ZNF609: variants seen among roughly 807,000 people sequenced by gnomAD.
The protein encoded by ZNF609 is zinc finger protein 609.
Under a neutral mutation model 109.5 loss-of-function variants are expected in ZNF609, and 11 were observed. The ratio of observed to expected loss-of-function variants is 0.10; its 90% CI spans 0.06 to 0.17. The LOEUF is 0.17. Among genes scored for constraint, ZNF609 ranks in the 10% least tolerant of loss-of-function variants. ZNF609 has a pLI of 1.00. For synonymous variants in ZNF609, 646 were observed against 662.0 expected, an observed-to-expected ratio of 0.98 and a Z score of 0.37; for missense variants, 1,559 against 1,772.4, an observed-to-expected ratio of 0.88 and a Z score of 2.16.
intron 2 of ZNF609, among the ~76,000 whole-genome samples, chr15:64,564,166 T>TG (rs1894736810): frequency 6.6e-6 from 1 of 151,416 alleles, no homozygotes; most frequent in Admixed American, 6.6e-5. Context: ...TTGTATGCGC[T>TG]GGCTGCTACA....
chr15:64,548,490 G>A (rs188176810), intron 2 of ZNF609, among the ~76,000 whole-genome samples: 516 of 152,306 alleles, frequency 3.4e-3, no homozygotes, highest in African/African-American at 0.012. Context: ...GCTGGGCTAG[G>A]TGGCTCATGT....
At chr15:64,577,564 A>T (rs1487394464) in intron 2 of ZNF609, among the ~76,000 whole-genome samples, 1 of 13,336 alleles carries the variant, frequency 7.5e-5, no homozygotes, top group South Asian at 6.5e-4. Context: ...TACACATATA[A>T]ATATATACAT....
Position 64,500,002 on chromosome 15 carries a change from G to T in ZNF609, c.583G>T (p.Gly195Cys). 11 of 1,614,160 alleles carry T rather than the reference G, an allele frequency of 6.8e-6. No individual in the cohort carries two copies. The highest frequency in any genetic ancestry group is 9.3e-6 in the Non-Finnish European group (11 of 1,180,032). ...CCAGCCAGTTCCCTTGGGAGGACGG[G>T]GTGGTCAGTATGATGGAAGTGCAGG... is the stretch of plus-strand genomic sequence containing the variant. ...VLQPVPLGGRGGQYDGSAGVD... is the reference protein window; with the variant it reads ...VLQPVPLGGRCGQYDGSAGVD... Residue 195 changes from glycine to cysteine, a missense_variant, in exon 2 of 10, where the codon GGT becomes TGT. Coordinates refer to ENST00000326648, the MANE Select transcript of ZNF609 (RefSeq NM_015042.2).
intron 7 of ZNF609, 134 bp from the exon 8 acceptor site, chr15:64,680,512 G>C: frequency 7.8e-7 from 1 of 1,281,544 alleles, no homozygotes; most frequent in Non-Finnish European, 1.1e-6. Context: ...TTTATTCTTA[G>C]GTATCTTGCA....
intron 3 of ZNF609, among the ~76,000 whole-genome samples, chr15:64,629,492 G>A (rs1006725807): frequency 2.0e-5 from 3 of 152,146 alleles, no homozygotes; most frequent in Non-Finnish European, 4.4e-5. Context: ...GCTCCTTAAA[G>A]TTACTTCTTT....
At chr15:64,470,904 T>C (rs966486914) in intron 1 of ZNF609, among the ~76,000 whole-genome samples, 4 of 152,210 alleles carry the variant, frequency 2.6e-5, no homozygotes, top group Admixed American at 1.3e-4. Context: ...ATTTTTCAGT[T>C]AATTATTTGA....
At chr15:64,473,884 C>T (rs796625737) in intron 1 of ZNF609, among the ~76,000 whole-genome samples, 3 of 152,196 alleles carry the variant, frequency 2.0e-5, no homozygotes, top group African/African-American at 7.2e-5. Context: ...AAGCAATTCT[C>T]CTGCCTCAGC....
chr15:64,543,778 T>A (rs1038553689), intron 2 of ZNF609, among the ~76,000 whole-genome samples: 5 of 152,192 alleles, frequency 3.3e-5, no homozygotes, highest in Non-Finnish European at 7.3e-5. Flanking sequence ...TAGTTCTATT[T>A]TAAGAAGCAA....
At chr15:64,500,219 G>A (rs1167102354) in intron 2 of ZNF609, 53 bp downstream of exon 2, 12 of 1,589,674 alleles carry the variant, frequency 7.5e-6, no homozygotes, top group Non-Finnish European at 1.0e-5. Flanking sequence ...GAACTGCCCT[G>A]GACTAACTGC....
intron 2 of ZNF609, among the ~76,000 whole-genome samples, chr15:64,554,059 TTTTA>T (rs1207133191): frequency 6.6e-6 from 1 of 152,176 alleles, no homozygotes. Flanking sequence ...TTTAGATGCC[TTTTA>T]TTTATTTTTC....
At chr15:64,569,759 A>C (rs1894832155) in intron 2 of ZNF609, among the ~76,000 whole-genome samples, 1 of 152,258 alleles carries the variant, frequency 6.6e-6, no homozygotes, top group Admixed American at 6.5e-5. Context: ...CTGGAGAAAC[A>C]GAATGCATTG....
intron 1 of ZNF609, among the ~76,000 whole-genome samples, chr15:64,461,241 GGTT>G (rs61208605): frequency 0.47 from 63,630 of 135,332 alleles, 16,391 homozygotes; most frequent in East Asian, 0.87. Context: ...GGGCGGTGGT[GGTT>G]GTTCAGAGCA....
At chr15:64,493,373 C>T (rs1893440685) in intron 1 of ZNF609, among the ~76,000 whole-genome samples, 1 of 151,996 alleles carries the variant, frequency 6.6e-6, no homozygotes, top group African/African-American at 2.4e-5. Flanking sequence ...GACATAAGTC[C>T]TTAAAATTGC....
chr15:64,625,922 T>TAC (rs1895952043), intron 3 of ZNF609, among the ~76,000 whole-genome samples: 2 of 70,528 alleles, frequency 2.8e-5, no homozygotes, highest in African/African-American at 1.2e-4. Context: ...AAAATATATA[T>TAC]ATATATATAT....
At chr15:64,585,901 G>A (rs1037851930) in intron 2 of ZNF609, among the ~76,000 whole-genome samples, 9 of 151,966 alleles carry the variant, frequency 5.9e-5, no homozygotes, top group Non-Finnish European at 1.2e-4. Flanking sequence ...ACTGGAGTGC[G>A]GTGGCATGAT....
chr15:64,583,203 T>A (rs1895141371), intron 2 of ZNF609, among the ~76,000 whole-genome samples: 1 of 151,864 alleles, frequency 6.6e-6, no homozygotes, highest in South Asian at 2.1e-4. Context: ...CAGCTAATTT[T>A]TGTATTTTTA....
intron 2 of ZNF609, among the ~76,000 whole-genome samples, chr15:64,555,673 A>G (rs1392390594): frequency 5.3e-5 from 8 of 151,286 alleles, no homozygotes; most frequent in Non-Finnish European, 5.9e-5. Flanking sequence ...CACAAGGTCA[A>G]GTGTTCGAGA....
intron 2 of ZNF609, among the ~76,000 whole-genome samples, chr15:64,511,497 AAAG>A (rs1437671745): frequency 1.3e-5 from 2 of 151,350 alleles, no homozygotes; most frequent in Non-Finnish European, 2.9e-5. Context: ...AAAAAAAAAA[AAAG>A]GAGGTATATA....
rs186801290 is a variant in ZNF609 at position 64,617,990 on chromosome 15, G to A, written c.748-4837G>A. On this transcript the variant is annotated intron_variant, in intron 2 of 9. Coordinates refer to ENST00000326648, the MANE Select transcript of ZNF609 (RefSeq NM_015042.2). Reference sequence around the variant, plus strand: ...AATTAGCTTAACTTTTGTTGGTGTAGTTATTAAGGCATCTAATGACCTTAA... The same window carrying A: ...AATTAGCTTAACTTTTGTTGGTGTAATTATTAAGGCATCTAATGACCTTAA... Among the ~76,000 whole-genome samples, 32 of 152,250 alleles carry A rather than the reference G, an allele frequency of 2.1e-4. No individual in the cohort carries two copies. The East Asian group carries it at 5.8e-3, about 28-fold the overall frequency.
Sources: gnomAD v4.1 joint callset for allele counts (sites outside exome capture counted in the v4.1 genomes callset) on GRCh38, gnomAD v4.1.1 for gene constraint, MANE v1.5 for transcripts, NCBI Gene and HGNC (gene_info 2026-07-23, HGNC 2026-07-21) for gene names.